Variants in CNTNAP2 observed in about 807,000 individuals in gnomAD.
CNTNAP2 encodes contactin associated protein 2.
CNTNAP2 carries 98 observed loss-of-function variants against 155.2 expected under a neutral mutation model. That is an observed-to-expected ratio of 0.63 (90% CI 0.54 to 0.75). The LOEUF is 0.75. Ranked by LOEUF, CNTNAP2 falls within the 30% of genes least tolerant of loss-of-function variation. CNTNAP2 has a pLI of 0.00. For synonymous variants in CNTNAP2, 651 were observed against 631.2 expected, an observed-to-expected ratio of 1.03 and a Z score of -0.47; for missense variants, 1,727 against 1,688.1, an observed-to-expected ratio of 1.02 and a Z score of -0.40.
chr7:147,031,085 A>T (rs950182040), intron 3 of CNTNAP2, among the ~76,000 whole-genome samples: 2 of 152,086 alleles, frequency 1.3e-5, no homozygotes, highest in Non-Finnish European at 2.9e-5. Flanking sequence ...TCTGCTTCTT[A>T]GGTTGTATTT....
Position 147,689,043 on chromosome 7 carries a change from C to A in CNTNAP2, c.2098+49737C>A, listed in dbSNP as rs944192131. ...TTCCAAGTTTCTGGATCTTATTTAA[C>A]CCTTGGGGAAAAACCAGTCCTTGAA... On this transcript the variant is annotated intron_variant, in intron 13 of 23. Transcript: ENST00000361727. Among the ~76,000 whole-genome samples the A allele has an allele frequency of 3.9e-5, 6 of 152,144 alleles. No individual in the cohort carries two copies. The East Asian group carries it at 7.7e-4, about 20-fold the overall frequency.
Position 147,347,898 on chromosome 7 carries a change from T to C in CNTNAP2, c.1498+47608T>C, listed in dbSNP as rs1207841350. On this transcript the variant is annotated intron_variant, in intron 9 of 23. Transcript: ENST00000361727. ...TCTACATGTCTATACAGCCAGCTGG[T>C]TTATGACAAACATGCCGAGAACACT... 3.9e-5 allele frequency among the ~76,000 whole-genome samples: 6 copies of C among 152,102 alleles called. No individual in the cohort carries two copies. In the South Asian group the frequency reaches 1.2e-3, roughly 32 times the overall value.
intron 1 of CNTNAP2, among the ~76,000 whole-genome samples, chr7:146,653,512 C>G (rs1563173767): frequency 1.3e-5 from 2 of 152,106 alleles, no homozygotes; most frequent in African/African-American, 4.8e-5. Context: ...CTTACCAATA[C>G]ATGTAAACTA....
At chr7:146,200,495 C>CTT (rs1554402367) in intron 1 of CNTNAP2, among the ~76,000 whole-genome samples, 103 of 142,570 alleles carry the variant, frequency 7.2e-4, no homozygotes, top group African/African-American at 2.5e-3. Context: ...TCCGTCTAAA[C>CTT]ATATATATAT....
At chr7:146,901,799 CT>C in intron 3 of CNTNAP2, among the ~76,000 whole-genome samples, 1 of 150,794 alleles carries the variant, frequency 6.6e-6, no homozygotes, top group East Asian at 2.0e-4. Flanking sequence ...TCTACTTTTA[CT>C]AATGTGAACT....
intron 12 of CNTNAP2, among the ~76,000 whole-genome samples, chr7:147,635,359 A>C (rs1355267258): frequency 6.6e-6 from 1 of 151,834 alleles, no homozygotes; most frequent in Non-Finnish European, 1.5e-5. Flanking sequence ...CGTGGGTTCA[A>C]GTGATCCTCC....
chr7:146,161,558 A>T (rs1186570685), intron 1 of CNTNAP2, among the ~76,000 whole-genome samples: 1 of 152,212 alleles, frequency 6.6e-6, no homozygotes, highest in African/African-American at 2.4e-5. Flanking sequence ...GGATAGGAAG[A>T]ATCAATATTG....
intron 18 of CNTNAP2, among the ~76,000 whole-genome samples, chr7:148,199,731 T>C (rs1258268008): frequency 6.6e-6 from 1 of 152,190 alleles, no homozygotes; most frequent in Non-Finnish European, 1.5e-5. Context: ...TATGTGTTAG[T>C]CAAGGTTCTC....
intron 17 of CNTNAP2, among the ~76,000 whole-genome samples, chr7:148,152,615 C>G (rs1373423707): frequency 6.6e-6 from 1 of 152,158 alleles, no homozygotes; most frequent in African/African-American, 2.4e-5. Flanking sequence ...GAGTTCAGGC[C>G]TCTCCCATAA....
At chr7:146,573,174 C>T (rs1192368701) in intron 1 of CNTNAP2, among the ~76,000 whole-genome samples, 1 of 152,214 alleles carries the variant, frequency 6.6e-6, no homozygotes, top group South Asian at 2.1e-4. Context: ...GACAGAGTCT[C>T]GCTCTGTCTC....
chr7:147,896,824 G>A lies in CNTNAP2; in HGVS notation c.2099-6741G>A, dbSNP rs570301550. 2.6e-5 allele frequency among the ~76,000 whole-genome samples: 4 copies of A among 152,312 alleles called. No individual in the cohort carries two copies. In the South Asian group the frequency reaches 8.3e-4, roughly 32 times the overall value. Reference sequence around the variant, plus strand: ...AGGCAATCTAGTCACCAGGCAAGAAGGAGGTCTGCTGTGGGAAAGGGCTAT... The same window carrying A: ...AGGCAATCTAGTCACCAGGCAAGAAAGAGGTCTGCTGTGGGAAAGGGCTAT... On this transcript the variant is annotated intron_variant, in intron 13 of 23. Transcript: ENST00000361727.
intron 13 of CNTNAP2, among the ~76,000 whole-genome samples, chr7:147,767,981 C>T (rs1359194463): frequency 2.0e-5 from 3 of 151,988 alleles, no homozygotes; most frequent in African/African-American, 7.2e-5. Context: ...ATCCTAGTTC[C>T]AGGCAGCTTA....
At position 146,814,651 on chromosome 7, in the gene CNTNAP2, C is replaced by T. The variant is rs945874725; in HGVS notation, c.209-25060C>T. Among the ~76,000 whole-genome samples, 5 of 152,066 alleles carry T rather than the reference C, an allele frequency of 3.3e-5. 1 individual carries two copies. The highest frequency in any genetic ancestry group is 1.3e-4 in the Admixed American group (2 of 15,268). ...AACAGTTCGAATTACAGTAGAACCA[C>T]CAAGAATTCTGAAAACCCAGTAAGT... On this transcript the variant is annotated intron_variant, in intron 2 of 23. Transcript: ENST00000361727.
chr7:146,487,757 A>T (rs1048732599), intron 1 of CNTNAP2, among the ~76,000 whole-genome samples: 1 of 152,236 alleles, frequency 6.6e-6, no homozygotes, highest in Non-Finnish European at 1.5e-5. Context: ...AATGGTGTTC[A>T]GATCATGGGC....
At chr7:147,056,263 G>T (rs1489061322) in intron 4 of CNTNAP2, among the ~76,000 whole-genome samples, 1 of 152,022 alleles carries the variant, frequency 6.6e-6, no homozygotes, top group Non-Finnish European at 1.5e-5. Flanking sequence ...CTATTTAGCT[G>T]TATGTGCTCT....
chr7:146,964,789 T>A (rs1489908568), intron 3 of CNTNAP2, among the ~76,000 whole-genome samples: 1 of 151,618 alleles, frequency 6.6e-6, no homozygotes, highest in African/African-American at 2.4e-5. Flanking sequence ...TGTCTCTATA[T>A]TCAAATCTGC....
intron 1 of CNTNAP2, among the ~76,000 whole-genome samples, chr7:146,467,791 C>T (rs75268391): frequency 0.021 from 3,254 of 152,064 alleles, 76 homozygotes; most frequent in African/African-American, 0.053. Context: ...TTTACATATG[C>T]TAGATAAAAT....
intron 1 of CNTNAP2, among the ~76,000 whole-genome samples, chr7:146,486,011 C>A (rs1797050192): frequency 7.7e-6 from 1 of 130,192 alleles, no homozygotes; most frequent in African/African-American, 2.8e-5. Flanking sequence ...ACATTCATTA[C>A]AAGGAAACCA....
At chr7:147,746,656 T>C (rs575746661) in intron 13 of CNTNAP2, among the ~76,000 whole-genome samples, 1 of 151,832 alleles carries the variant, frequency 6.6e-6, no homozygotes, top group South Asian at 2.1e-4. Flanking sequence ...AAGGCAGGAG[T>C]TCTCATTGAC....
Sources: gnomAD v4.1 joint callset for allele counts (sites outside exome capture counted in the v4.1 genomes callset) on GRCh38, gnomAD v4.1.1 for gene constraint, MANE v1.5 for transcripts, NCBI Gene and HGNC (gene_info 2026-07-23, HGNC 2026-07-21) for gene names.